LRRC37A2: variants seen among roughly 807,000 people sequenced by gnomAD.
The protein encoded by LRRC37A2 is leucine rich repeat containing 37 member A2, also known as leucine-rich repeat-containing protein 37A2.
Under a neutral mutation model 68.8 loss-of-function variants are expected in LRRC37A2, and 9 were observed. That is an observed-to-expected ratio of 0.13 (90% CI 0.08 to 0.23). The LOEUF is 0.23. Among genes scored for constraint, LRRC37A2 ranks in the 10% least tolerant of loss-of-function variants. LRRC37A2 has a pLI of 1.00. For synonymous variants in LRRC37A2, 63 were observed against 367.6 expected, an observed-to-expected ratio of 0.17 and a Z score of 9.48; for missense variants, 168 against 950.4, an observed-to-expected ratio of 0.18 and a Z score of 10.82.
the LRRC37A2 span, among the ~76,000 whole-genome samples, chr17:47,037,261 G>A: frequency 6.6e-6 from 1 of 152,090 alleles, no homozygotes; most frequent in African/African-American, 2.4e-5. Flanking sequence ...TTGCACTCAA[G>A]CCTGGGCAAC....
the LRRC37A2 span, among the ~76,000 whole-genome samples, chr17:46,795,528 G>A: frequency 2.0e-5 from 3 of 152,154 alleles, no homozygotes; most frequent in African/African-American, 7.2e-5. Flanking sequence ...ATCCAAAGCT[G>A]CGAGCCCTCA....
At chr17:47,023,458 A>G in the LRRC37A2 span, among the ~76,000 whole-genome samples, 1 of 152,192 alleles carries the variant, frequency 6.6e-6, no homozygotes, top group Non-Finnish European at 1.5e-5. Flanking sequence ...AGGTAGGCGG[A>G]TCACCTGAGG....
the LRRC37A2 span, among the ~76,000 whole-genome samples, chr17:46,472,914 CAA>C: frequency 1.9e-4 from 10 of 52,176 alleles, no homozygotes; most frequent in African/African-American, 6.3e-4. Flanking sequence ...GACTCCGTCT[CAA>C]AAAAAAAATA....
At chr17:46,991,525 C>G in the LRRC37A2 span, among the ~76,000 whole-genome samples, 1 of 151,898 alleles carries the variant, frequency 6.6e-6, no homozygotes, top group Non-Finnish European at 1.5e-5. Flanking sequence ...CTACTCAGGA[C>G]GCTGAGGCAG....
the LRRC37A2 span, chr17:47,033,360 G>C: frequency 2.9e-6 from 2 of 699,358 alleles, no homozygotes; most frequent in Non-Finnish European, 5.2e-6. Flanking sequence ...GCTTGGTGTG[G>C]GGAGATGTGT....
At chr17:46,879,698 A>G in the LRRC37A2 span, among the ~76,000 whole-genome samples, 1 of 152,240 alleles carries the variant, frequency 6.6e-6, no homozygotes, top group African/African-American at 2.4e-5. Context: ...TCCATAGACC[A>G]GGCACTACGG....
intron 8 of LRRC37A2, among the ~76,000 whole-genome samples, chr17:46,543,291 A>G (rs1454041469): frequency 6.6e-6 from 1 of 150,440 alleles, no homozygotes; most frequent in Admixed American, 6.6e-5. Flanking sequence ...ATGATCTTTC[A>G]TGTGTATTGA....
chr17:46,879,858 C>T, the LRRC37A2 span, among the ~76,000 whole-genome samples: 1 of 152,204 alleles, frequency 6.6e-6, no homozygotes, highest in Non-Finnish European at 1.5e-5. Context: ...TCCCATGTCT[C>T]AGGGGCTTTG....
chr17:46,708,412 T>C, the LRRC37A2 span, among the ~76,000 whole-genome samples: 1 of 152,160 alleles, frequency 6.6e-6, no homozygotes. Flanking sequence ...CATCTCATTC[T>C]AGTTTTGATT....
chr17:46,885,980 C>T, the LRRC37A2 span: 1 of 152,292 alleles, frequency 6.6e-6, no homozygotes, highest in African/African-American at 2.4e-5. Flanking sequence ...AATGAGCTAA[C>T]CCAGCTGGAA....
At chr17:46,389,944 G>A in the LRRC37A2 span, among the ~76,000 whole-genome samples, 1 of 147,804 alleles carries the variant, frequency 6.8e-6, no homozygotes, top group African/African-American at 2.5e-5. Context: ...TGATTAATTG[G>A]ATTTCATCAA....
chr17:46,463,831 C>T, the LRRC37A2 span, among the ~76,000 whole-genome samples: 1 of 80,560 alleles, frequency 1.2e-5, no homozygotes, highest in African/African-American at 4.2e-5. Flanking sequence ...CATAGATCGA[C>T]ATGAATAACA....
At chr17:46,969,392 AAGG>A in the LRRC37A2 span, among the ~76,000 whole-genome samples, 1 of 152,188 alleles carries the variant, frequency 6.6e-6, no homozygotes, top group South Asian at 2.1e-4. Flanking sequence ...AGTGGCCAGA[AAGG>A]AGGCAGCCTT....
the LRRC37A2 span, chr17:47,021,853 T>C: frequency 6.7e-7 from 1 of 1,499,822 alleles, no homozygotes; most frequent in Non-Finnish European, 9.3e-7. Context: ...TTCACAGAAA[T>C]TTCCAAGGAA....
At chr17:46,769,034 TAC>T in the LRRC37A2 span, among the ~76,000 whole-genome samples, 1 of 152,092 alleles carries the variant, frequency 6.6e-6, no homozygotes, top group African/African-American at 2.4e-5. Flanking sequence ...GCGCATGAAA[TAC>T]GAGTTGTTGC....
the LRRC37A2 span, among the ~76,000 whole-genome samples, chr17:46,957,582 C>T: frequency 6.6e-6 from 1 of 151,984 alleles, no homozygotes; most frequent in East Asian, 1.9e-4. Context: ...CACTGCACTC[C>T]AGCCTAGGTG....
At chr17:46,800,560 C>T in the LRRC37A2 span, among the ~76,000 whole-genome samples, 4 of 152,238 alleles carry the variant, frequency 2.6e-5, no homozygotes, top group Non-Finnish European at 5.9e-5. Context: ...GAAGAGGTAT[C>T]TGAGAATACA....
At chr17:46,493,640 C>G in the LRRC37A2 span, among the ~76,000 whole-genome samples, 1 of 148,706 alleles carries the variant, frequency 6.7e-6, no homozygotes, top group African/African-American at 2.6e-5. Flanking sequence ...CGGGTTCACA[C>G]CATTCTCCTG....
chr17:46,726,707 C>A, the LRRC37A2 span: 1 of 1,115,078 alleles, frequency 9.0e-7, no homozygotes, highest in Non-Finnish European at 1.4e-6. Context: ...TATTTATAAA[C>A]TGTAAAGCAA....
Sources: gnomAD v4.1 joint callset for allele counts (sites outside exome capture counted in the v4.1 genomes callset) on GRCh38, gnomAD v4.1.1 for gene constraint, MANE v1.5 for transcripts, NCBI Gene and HGNC (gene_info 2026-07-23, HGNC 2026-07-21) for gene names.